The following NEUROD2 variants were observed in gnomAD, a reference collection of about 807,000 sequenced individuals.
NEUROD2 encodes the protein neurogenic differentiation factor 2.
Under a neutral mutation model 9.3 loss-of-function variants are expected in NEUROD2, and 5 were observed. That is an observed-to-expected ratio of 0.54 (90% CI 0.28 to 1.13). NEUROD2 has a LOEUF of 1.13. NEUROD2 is among the 50% of genes most tolerant of loss of function. The pLI is 0.10. For missense variants in NEUROD2, 376 were observed against 549.2 expected (o/e 0.68, Z 3.15); for synonymous variants, 277 against 257.3 (o/e 1.08, Z -0.73).
chr17:39,605,296 T>C lies in NEUROD2; in HGVS notation c.*155A>G, dbSNP rs576234546. On this transcript the variant is annotated 3_prime_UTR_variant, in exon 2 of 2. Transcript: ENST00000302584. The surrounding 1 kb of genome is among the most constrained non-coding windows in gnomAD (Gnocchi z 6.8). Reference sequence around the variant, plus strand: ...GCCCCTGGGACAGGCCACCCACAGGTAACAGGACTGCGCTGCCCCAGGAGA... The same window carrying C: ...GCCCCTGGGACAGGCCACCCACAGGCAACAGGACTGCGCTGCCCCAGGAGA... 81 of 1,026,150 alleles carry C rather than the reference T, an allele frequency of 7.9e-5. No homozygotes were observed. The African/African-American group carries it at 1.2e-3, about 15-fold the overall frequency. 63.6% of individuals were successfully genotyped at this position (1,026,150 alleles called of 1,614,324 possible).
Position 39,606,824 on chromosome 17 carries a change from G to A in NEUROD2, c.-5-220C>T. 2.0e-6 allele frequency: 1 copy of A among 492,336 alleles called. No homozygotes were observed. The allele number at this position is 492,336 out of a possible 1,614,324, so 30.5% of individuals were successfully genotyped here. A position where few individuals can be genotyped will look rare whatever the true frequency, so the allele number is the denominator to read the frequency against. On this transcript the variant is annotated intron_variant, in intron 1 of 1. Transcript: ENST00000302584. This position sits in a 1 kb window ranked among gnomAD's most constrained non-coding sequence, Gnocchi z 7.8. ...GATCTCGGCCCAGGCCCTCTCCCCG[G>A]CGCTGGGCCCCGGCTCCGCCCCTCG...
At position 39,605,697 on chromosome 17, in the gene NEUROD2, G is replaced by A; in HGVS notation, c.903C>T (p.Pro301=). 5 of 1,606,232 alleles carry A rather than the reference G, an allele frequency of 3.1e-6. No individual in the cohort carries two copies. Among genetic ancestry groups the A allele is most frequent in the Non-Finnish European group, 2.5e-6 (3 of 1,176,892 alleles). ...NSSEYEGPLS[P]PLCLNGNFSL... ...AGAAGTTGCCATTGAGACAGAGCGG[G>A]GGGCTGAGCGGGCCCTCGTACTCGG... The change falls in exon 2 of 2, where the codon CCC becomes CCT. Residue 301 remains proline, a synonymous_variant. Coordinates refer to ENST00000302584, the MANE Select transcript of NEUROD2 (RefSeq NM_006160.4). The surrounding 1 kb of genome is among the most constrained non-coding windows in gnomAD (Gnocchi z 6.8).
Position 39,605,494 on chromosome 17 carries a change from C to T in NEUROD2, c.1106G>A (p.Arg369Gln). The T allele has an allele frequency of 1.9e-6, 3 of 1,608,310 alleles. No individual in the cohort carries two copies. The highest frequency in any genetic ancestry group is 2.5e-6 in the Non-Finnish European group (3 of 1,176,886). ...ATTGAGCTCCTCGTACATGGGGCCC[C>T]GGTCGTGGTGAAGGTGCATATCGTA... ...LSYDMHLHHD[R>Q]GPMYEELNAF... The change falls in exon 2 of 2, where the codon CGG (arginine) becomes CAG (glutamine). Residue 369 changes from arginine (R) to glutamine (Q), a missense_variant. Physicochemically the swap from Arg to Gln is conservative, Grantham distance 43. This residue lies in a region of NEUROD2 where 193 missense variants were observed against 255.8 expected (regional missense o/e 0.75). Transcript: ENST00000302584. This position sits in a 1 kb window ranked among gnomAD's most constrained non-coding sequence, Gnocchi z 6.8.
At position 39,605,927 on chromosome 17, in the gene NEUROD2, C is replaced by T. The variant is rs1373741599; in HGVS notation, c.673G>A (p.Gly225Ser). The T allele has an allele frequency of 6.2e-7, 1 of 1,610,890 alleles. No homozygotes were observed. The highest frequency in any genetic ancestry group is 1.1e-5 in the South Asian group (1 of 90,936). ...FLTEQGADGA[G>S]RFHGSGGPFA... ...GGGCCGCCCGAGCCGTGGAAGCGGC[C>T]GGCACCGTCGGCGCCTTGCTCCGTG... Residue 225 changes from glycine to serine, a missense_variant, in exon 2 of 2, where the codon GGC becomes AGC. Physicochemically the swap from Gly to Ser is moderately conservative, Grantham distance 56. Coordinates refer to ENST00000302584, the MANE Select transcript of NEUROD2 (RefSeq NM_006160.4). This position sits in a 1 kb window ranked among gnomAD's most constrained non-coding sequence, Gnocchi z 6.8.
At position 39,605,454 on chromosome 17, in the gene NEUROD2, G is replaced by A. The variant is rs1312685479; in HGVS notation, c.1146C>T (p.Asn382=). The A allele has an allele frequency of 6.3e-7, 1 of 1,575,410 alleles. No individual in the cohort carries two copies. The highest frequency in any genetic ancestry group is 8.6e-7 in the Non-Finnish European group (1 of 1,157,754). ...MYEELNAFFH[N] ...AGAAGGGAGCCGGCGCGAAGTCTCAGTTATGAAAAAACGCATTGAGCTCCT... is the reference window on the plus strand; with the variant it reads ...AGAAGGGAGCCGGCGCGAAGTCTCAATTATGAAAAAACGCATTGAGCTCCT... Residue 382 remains asparagine (N), a synonymous_variant, in exon 2 of 2, where the codon AAC becomes AAT. Transcript: ENST00000302584. The surrounding 1 kb of genome is among the most constrained non-coding windows in gnomAD (Gnocchi z 6.8).
Position 39,606,828 on chromosome 17 carries a change from T to TCC in NEUROD2, c.-5-225_-5-224insGG. On this transcript the variant is annotated intron_variant, in intron 1 of 1. Transcript: ENST00000302584. The surrounding 1 kb of genome is among the most constrained non-coding windows in gnomAD (Gnocchi z 7.8). ...TCGGCCCAGGCCCTCTCCCCGGCGCTGGGCCCCGGCTCCGCCCCTCGCTTG... is the reference window on the plus strand; with the variant it reads ...TCGGCCCAGGCCCTCTCCCCGGCGCTCCGGGCCCCGGCTCCGCCCCTCGCTTG... The TCC allele has an allele frequency of 2.1e-6, 1 of 481,194 alleles. No homozygotes were observed. The highest frequency in any genetic ancestry group is 3.6e-6 in the Non-Finnish European group (1 of 277,122). The allele number at this position is 481,194 out of a possible 1,614,324, so 29.8% of individuals were successfully genotyped here.
rs756919297 is a variant in NEUROD2, at chr17:39,605,961, G to A, written c.639C>T (p.Arg213=). Residue 213 remains arginine, a synonymous_variant, in exon 2 of 2, where the codon CGC becomes CGT. Transcript: ENST00000302584. The surrounding 1 kb of genome is among the most constrained non-coding windows in gnomAD (Gnocchi z 6.8). The stretch of plus-strand genomic sequence containing the variant: ...CGGCGCCTTGCTCCGTGAGGAAGTT[G>A]CGAGAGTTGAGCTGCAGACAGCCGG... ...LVAGCLQLNS[R]NFLTEQGADG... 10 of 1,613,436 alleles carry A rather than the reference G, an allele frequency of 6.2e-6. No homozygotes were observed. In the South Asian group the frequency reaches 1.1e-4, roughly 18 times the overall value.
rs1253526856 is a variant in NEUROD2 at position 39,604,102 on chromosome 17, A to G, written c.*1349T>C. The G allele has an allele frequency of 6.5e-6, 1 of 152,676 alleles. No homozygotes were observed. The highest frequency in any genetic ancestry group is 1.9e-4 in the East Asian group (1 of 5,270). 9.5% of individuals were successfully genotyped at this position (152,676 alleles called of 1,614,324 possible). On this transcript the variant is annotated 3_prime_UTR_variant, in exon 2 of 2. Transcript: ENST00000302584. ...TTGGACCAAAAAATACTCTCTCCAG[A>G]CACCGGAAATCGCCAGGTGGCACCC...
chr17:39,605,253 T>C lies in NEUROD2; in HGVS notation c.*198A>G, dbSNP rs449430. ...ACCCCTTGGGGAGAGAGAAGGCGAG[T>C]CCCCTGGGGGAAGCGAGGCCCCTGG... On this transcript the variant is annotated 3_prime_UTR_variant, in exon 2 of 2. Transcript: ENST00000302584. This position sits in a 1 kb window ranked among gnomAD's most constrained non-coding sequence, Gnocchi z 6.8. 8.6e-6 allele frequency: 5 copies of C among 580,620 alleles called. No individual in the cohort carries two copies. Among genetic ancestry groups the C allele is most frequent in the African/African-American group, 1.9e-5 (1 of 52,214 alleles). The allele number at this position is 580,620 out of a possible 1,614,324, so 36.0% of individuals were successfully genotyped here.
chr17:39,605,178 C>G lies in NEUROD2; in HGVS notation c.*273G>C. On this transcript the variant is annotated 3_prime_UTR_variant, in exon 2 of 2. Coordinates refer to ENST00000302584, the MANE Select transcript of NEUROD2 (RefSeq NM_006160.4). This position sits in a 1 kb window ranked among gnomAD's most constrained non-coding sequence, Gnocchi z 6.8. ...GGGGGAGGGGTGCCTCCAGGGAGCCCCCGGAGAGAGGTCCCTGGAGAAGCA... is the reference window on the plus strand; with the variant it reads ...GGGGGAGGGGTGCCTCCAGGGAGCCGCCGGAGAGAGGTCCCTGGAGAAGCA... The G allele has an allele frequency of 2.8e-6, 1 of 352,958 alleles. No individual in the cohort carries two copies. The highest frequency in any genetic ancestry group is 5.1e-6 in the Non-Finnish European group (1 of 196,252). 21.9% of individuals were successfully genotyped at this position (352,958 alleles called of 1,614,324 possible).
rs777661770 is a variant in NEUROD2, at chr17:39,605,810, C to T, written c.790G>A (p.Ala264Thr). ...AGGLGGGAAH[A>T]LRTHGYCAAY... ...GCGCAGTAGCCGTGGGTCCGCAGGGCGTGCGCCGCGCCGCCGCCCAGGCCG... is the reference window on the plus strand; with the variant it reads ...GCGCAGTAGCCGTGGGTCCGCAGGGTGTGCGCCGCGCCGCCGCCCAGGCCG... The change falls in exon 2 of 2, where the codon GCC (alanine) becomes ACC (threonine). Residue 264 changes from alanine (A) to threonine (T), a missense_variant. Around this residue, in one of 3 missense-constraint regions of NEUROD2, gnomAD observed 193 missense variants for 255.8 expected, o/e 0.75. Transcript: ENST00000302584. The surrounding 1 kb of genome is among the most constrained non-coding windows in gnomAD (Gnocchi z 6.8). The T allele has an allele frequency of 4.4e-6, 6 of 1,367,886 alleles. No individual in the cohort carries two copies. Among genetic ancestry groups the T allele is most frequent in the Middle Eastern group, 2.0e-4 (1 of 4,916 alleles). The allele number at this position is 1,367,886 out of a possible 1,614,324, so 84.7% of individuals were successfully genotyped here.
At position 39,606,189 on chromosome 17, in the gene NEUROD2, C is replaced by G. The variant is rs757048855; in HGVS notation, c.411G>C (p.Leu137=). 6.2e-7 allele frequency: 1 copy of G among 1,612,944 alleles called. No homozygotes were observed. The highest frequency in any genetic ancestry group is 8.5e-7 in the Non-Finnish European group (1 of 1,179,918). Residue 137 remains leucine, a synonymous_variant, in exon 2 of 2, where the codon CTG becomes CTC. Coordinates refer to ENST00000302584, the MANE Select transcript of NEUROD2 (RefSeq NM_006160.4). This position sits in a 1 kb window ranked among gnomAD's most constrained non-coding sequence, Gnocchi z 7.8. ...TGCGCAGGTTGTCCAGGGCTGCGTT[C>G]AGGTCGTGCATGCGGTTGCGCTCCC... ...NARERNRMHD[L]NAALDNLRKV...
In NEUROD2 at chr17:39,605,495, G is replaced by A; in HGVS notation, c.1105C>T (p.Arg369Trp). 6.2e-7 allele frequency: 1 copy of A among 1,609,004 alleles called. No individual in the cohort carries two copies. Among genetic ancestry groups the A allele is most frequent in the South Asian group, 1.1e-5 (1 of 90,808 alleles). ...TTGAGCTCCTCGTACATGGGGCCCC[G>A]GTCGTGGTGAAGGTGCATATCGTAA... is the stretch of plus-strand genomic sequence containing the variant. ...LSYDMHLHHD[R>W]GPMYEELNAF... The change falls in exon 2 of 2, where the codon CGG becomes TGG. Residue 369 changes from arginine (R) to tryptophan (W), a missense_variant. Arg to Trp is a moderately radical substitution (Grantham distance 101, BLOSUM62 -3). Coordinates refer to ENST00000302584, the MANE Select transcript of NEUROD2 (RefSeq NM_006160.4). The surrounding 1 kb of genome is among the most constrained non-coding windows in gnomAD (Gnocchi z 6.8).
Position 39,606,933 on chromosome 17 carries a change from T to A in NEUROD2, c.-5-329A>T. 3 of 226,112 alleles carry A rather than the reference T, an allele frequency of 1.3e-5. No individual in the cohort carries two copies. Among genetic ancestry groups the A allele is most frequent in the East Asian group, 8.6e-5 (1 of 11,654 alleles). 14.0% of individuals were successfully genotyped at this position (226,112 alleles called of 1,614,324 possible). A position where few individuals can be genotyped will look rare whatever the true frequency, so the allele number is the denominator to read the frequency against. ...GTGGGGGTTTTAGGGACCAGATATC[T>A]TTGCCAGGGGAGGCGGCGCGCTCGC... is the stretch of plus-strand genomic sequence containing the variant. On this transcript the variant is annotated intron_variant, in intron 1 of 1. Coordinates refer to ENST00000302584, the MANE Select transcript of NEUROD2 (RefSeq NM_006160.4). This position sits in a 1 kb window ranked among gnomAD's most constrained non-coding sequence, Gnocchi z 7.8.
rs1312614478 is a variant in NEUROD2 at position 39,607,773 on chromosome 17, G to A, written c.-51C>T. 1 of 161,194 alleles carries A rather than the reference G, an allele frequency of 6.2e-6. No individual in the cohort carries two copies. The highest frequency in any genetic ancestry group is 1.3e-5 in the Non-Finnish European group (1 of 76,540). The allele number at this position is 161,194 out of a possible 1,614,324, so 10.0% of individuals were successfully genotyped here. Reference sequence around the variant, plus strand: ...AGAGGGGAGGGGAGGGGGGGAGGGGGCAAGAGAGAGAGGGGGGAGAAGAGG... The same window carrying A: ...AGAGGGGAGGGGAGGGGGGGAGGGGACAAGAGAGAGAGGGGGGAGAAGAGG... On this transcript the variant is annotated 5_prime_UTR_variant, in exon 1 of 2. Transcript: ENST00000302584.
Position 39,605,580 on chromosome 17 carries a change from G to C in NEUROD2, c.1020C>G (p.His340Gln). 6.2e-7 allele frequency: 1 copy of C among 1,613,760 alleles called. No homozygotes were observed. The highest frequency in any genetic ancestry group is 8.5e-7 in the Non-Finnish European group (1 of 1,179,844). The change falls in exon 2 of 2, where the codon CAC (histidine) becomes CAG (glutamine). Residue 340 changes from histidine (H) to glutamine (Q), a missense_variant. His to Gln is a conservative substitution (Grantham distance 24). Transcript: ENST00000302584. This position sits in a 1 kb window ranked among gnomAD's most constrained non-coding sequence, Gnocchi z 6.8. ...CAGCCGACGAGCCGAAGACTAGCCC[G>C]TGGCCCGTGGGCCGCGAACCGGGCA... ...SALPGSRPTG[H>Q]GLVFGSSAVR...
chr17:39,606,871 C>T lies in NEUROD2; in HGVS notation c.-5-267G>A. ...CTCGCTTGAATGGGGGGCTGCTCCC[C>T]GCGCCTGCTTCTTCTCAGGGTCAGG... On this transcript the variant is annotated intron_variant, in intron 1 of 1. Coordinates refer to ENST00000302584, the MANE Select transcript of NEUROD2 (RefSeq NM_006160.4). This position sits in a 1 kb window ranked among gnomAD's most constrained non-coding sequence, Gnocchi z 7.8. 1 of 434,696 alleles carries T rather than the reference C, an allele frequency of 2.3e-6. No individual in the cohort carries two copies. Among genetic ancestry groups the T allele is most frequent in the East Asian group, 3.9e-5 (1 of 25,428 alleles). 26.9% of individuals were successfully genotyped at this position (434,696 alleles called of 1,614,324 possible).
rs2056770557 is a variant in NEUROD2, at chr17:39,606,722, C to G, written c.-5-118G>C. 1 of 1,125,016 alleles carries G rather than the reference C, an allele frequency of 8.9e-7. No individual in the cohort carries two copies. The highest frequency in any genetic ancestry group is 1.7e-5 in the African/African-American group (1 of 60,006). 69.7% of individuals were successfully genotyped at this position (1,125,016 alleles called of 1,614,324 possible). A position where few individuals can be genotyped will look rare whatever the true frequency, so the allele number is the denominator to read the frequency against. ...CCCCGAGTCTCGTGCGGGCTCCTGC[C>G]TAGGCTACCCTGGATGCCCACCTCC... On this transcript the variant is annotated intron_variant, in intron 1 of 1. Coordinates refer to ENST00000302584, the MANE Select transcript of NEUROD2 (RefSeq NM_006160.4). This position sits in a 1 kb window ranked among gnomAD's most constrained non-coding sequence, Gnocchi z 7.8.
chr17:39,605,803 C>T lies in NEUROD2; in HGVS notation c.797G>A (p.Arg266Gln). The change falls in exon 2 of 2, where the codon CGG (arginine) becomes CAG (glutamine). Residue 266 changes from arginine (R) to glutamine (Q), a missense_variant. This residue lies in a region of NEUROD2 where 193 missense variants were observed against 255.8 expected (regional missense o/e 0.75). Coordinates refer to ENST00000302584, the MANE Select transcript of NEUROD2 (RefSeq NM_006160.4). This position sits in a 1 kb window ranked among gnomAD's most constrained non-coding sequence, Gnocchi z 6.8. ...GTAGGCGGCGCAGTAGCCGTGGGTC[C>T]GCAGGGCGTGCGCCGCGCCGCCGCC... ...GLGGGAAHAL[R>Q]THGYCAAYET... 1 of 1,380,438 alleles carries T rather than the reference C, an allele frequency of 7.2e-7. No homozygotes were observed. The highest frequency in any genetic ancestry group is 9.3e-7 in the Non-Finnish European group (1 of 1,073,914). 85.5% of individuals were successfully genotyped at this position (1,380,438 alleles called of 1,614,324 possible).
Sources: allele counts gnomAD v4.1 joint callset, GRCh38; gene constraint gnomAD v4.1.1; regional missense constraint gnomAD v4.1.1; non-coding constraint Gnocchi (gnomAD v3.1); transcripts MANE v1.5; gene names NCBI Gene and HGNC (gene_info 2026-07-23, HGNC 2026-07-21).